GABRB3: variants seen among roughly 807,000 people sequenced by gnomAD.
GABRB3 encodes gamma-aminobutyric acid type A receptor subunit beta3.
In GABRB3, 14 loss-of-function variants were observed where a neutral mutation model predicts 52.1. The ratio of observed to expected loss-of-function variants is 0.27; its 90% CI spans 0.18 to 0.42. The LOEUF (loss-of-function observed/expected upper bound fraction) is 0.42. Ranked by LOEUF, GABRB3 falls within the 10% of genes least tolerant of loss-of-function variation. GABRB3 has a pLI of 1.00. For missense variants in GABRB3, 307 were observed against 609.1 expected, an observed-to-expected ratio of 0.50 and a Z score of 5.22; for synonymous variants, 260 against 232.3, an observed-to-expected ratio of 1.12 and a Z score of -1.08.
chr15:26,565,284 A>T (rs1348832514), intron 7 of GABRB3, among the ~76,000 whole-genome samples: 3 of 152,130 alleles, frequency 2.0e-5, no homozygotes, highest in Non-Finnish European at 4.4e-5. Flanking sequence ...TCAGTCTTGT[A>T]TTGGCAGGAG....
At chr15:26,745,154 C>A (rs994538821) in intron 3 of GABRB3, among the ~76,000 whole-genome samples, 1 of 152,146 alleles carries the variant, frequency 6.6e-6, no homozygotes, top group Non-Finnish European at 1.5e-5. Context: ...GAGGACAGCA[C>A]CAAGCCATGA....
intron 3 of GABRB3, among the ~76,000 whole-genome samples, chr15:26,667,122 C>T (rs574422476): frequency 2.0e-5 from 3 of 152,268 alleles, no homozygotes; most frequent in African/African-American, 2.4e-5. Flanking sequence ...GCTTCGGTCC[C>T]GAACGCATCC....
chr15:26,579,782 A>C (rs1309801568), intron 6 of GABRB3, among the ~76,000 whole-genome samples: 4 of 152,202 alleles, frequency 2.6e-5, no homozygotes, highest in South Asian at 2.1e-4. Context: ...AGTTGATATA[A>C]AGATGACAAG....
At chr15:26,745,851 T>G (rs897757423) in intron 3 of GABRB3, among the ~76,000 whole-genome samples, 1 of 152,206 alleles carries the variant, frequency 6.6e-6, no homozygotes, top group Non-Finnish European at 1.5e-5. Context: ...TGTTTAACGA[T>G]TCACAATTTT....
chr15:26,729,054 A>G (rs947172351), intron 3 of GABRB3, among the ~76,000 whole-genome samples: 1 of 152,170 alleles, frequency 6.6e-6, no homozygotes, highest in Non-Finnish European at 1.5e-5. Context: ...TATAAGAAAG[A>G]TACTTCACCT....
At chr15:26,641,027 G>T (rs1034196791) in intron 3 of GABRB3, among the ~76,000 whole-genome samples, 3 of 152,196 alleles carry the variant, frequency 2.0e-5, no homozygotes, top group African/African-American at 7.2e-5. Flanking sequence ...TGTCACAAAA[G>T]CTGCAATCCT....
At chr15:26,773,297 G>C (rs1387789023), upstream of GABRB3, among the ~76,000 whole-genome samples, 12 of 150,540 alleles carry the variant, frequency 8.0e-5, 1 homozygote, top group East Asian at 1.6e-3. Context: ...CGCCGCACGG[G>C]ACTCGGACCT....
chr15:26,629,124 G>C (rs745398375), intron 3 of GABRB3: 180 of 1,528,028 alleles, frequency 1.2e-4, no homozygotes, highest in Non-Finnish European at 1.5e-4. Context: ...CTTTACAGGA[G>C]AGGCTGAAGC....
chr15:26,765,304 C>G (rs919376386), intron 3 of GABRB3, among the ~76,000 whole-genome samples: 3 of 152,128 alleles, frequency 2.0e-5, no homozygotes, highest in African/African-American at 7.2e-5. Flanking sequence ...ATCCTTTACT[C>G]TTCTTTCTGC....
chr15:26,688,937 T>C (rs1261358511), intron 3 of GABRB3, among the ~76,000 whole-genome samples: 1 of 152,232 alleles, frequency 6.6e-6, no homozygotes. Context: ...TTAAGCCCCA[T>C]TTTCTTATGC....
At chr15:26,745,783 T>TA (rs1266108406) in intron 3 of GABRB3, among the ~76,000 whole-genome samples, 1 of 152,250 alleles carries the variant, frequency 6.6e-6, no homozygotes, top group South Asian at 2.1e-4. Flanking sequence ...TTGGTGCCTG[T>TA]AGCAATAGTT....
intron 3 of GABRB3, among the ~76,000 whole-genome samples, chr15:26,742,122 C>A (rs1890223796): frequency 6.6e-6 from 1 of 152,110 alleles, no homozygotes; most frequent in African/African-American, 2.4e-5. Flanking sequence ...CTTAGTAATG[C>A]TGGGTGAAAA....
At chr15:26,611,242 G>A (rs928353942) in intron 4 of GABRB3, among the ~76,000 whole-genome samples, 6 of 152,076 alleles carry the variant, frequency 3.9e-5, no homozygotes, top group African/African-American at 1.4e-4. Context: ...AATCCTTGTA[G>A]GTGAACTTTT....
At chr15:26,668,128 T>C (rs1022079277) in intron 3 of GABRB3, among the ~76,000 whole-genome samples, 3 of 152,178 alleles carry the variant, frequency 2.0e-5, no homozygotes, top group Admixed American at 1.3e-4. Context: ...CCATTCTCCA[T>C]GAACCTTGAT....
intron 3 of GABRB3, among the ~76,000 whole-genome samples, chr15:26,686,291 A>C (rs1483498369): frequency 6.6e-6 from 1 of 152,208 alleles, no homozygotes; most frequent in Admixed American, 6.5e-5. Flanking sequence ...TGTTATAAAA[A>C]TGACCACCAA....
chr15:26,758,487 A>C (rs1445743853), intron 3 of GABRB3, among the ~76,000 whole-genome samples: 2 of 152,256 alleles, frequency 1.3e-5, no homozygotes, highest in Non-Finnish European at 2.9e-5. Flanking sequence ...CCAAACTTGG[A>C]GACAGAAACC....
intron 7 of GABRB3, among the ~76,000 whole-genome samples, chr15:26,562,916 T>C (rs995425620): frequency 6.6e-6 from 1 of 152,252 alleles, no homozygotes; most frequent in Non-Finnish European, 1.5e-5. Context: ...TATTTTAAGA[T>C]TCTCTTTTAA....
chr15:26,700,166 A>G (rs1643134305), intron 3 of GABRB3, among the ~76,000 whole-genome samples: 1 of 152,160 alleles, frequency 6.6e-6, no homozygotes, highest in African/African-American at 2.4e-5. Context: ...AAGAGACATC[A>G]TTTCAGGGCC....
chr15:26,673,982 A>G (rs1356532774), intron 3 of GABRB3, among the ~76,000 whole-genome samples: 1 of 152,180 alleles, frequency 6.6e-6, no homozygotes, highest in African/African-American at 2.4e-5. Flanking sequence ...AAAACGTGTT[A>G]TCTGGCAGCA....
Sources: gnomAD v4.1 joint callset for allele counts (sites outside exome capture counted in the v4.1 genomes callset) on GRCh38, gnomAD v4.1.1 for gene constraint, MANE v1.5 for transcripts, NCBI Gene and HGNC (gene_info 2026-07-23, HGNC 2026-07-21) for gene names.